Variants in SOX6 observed in about 807,000 individuals in gnomAD.
The protein encoded by SOX6 is transcription factor SOX-6.
Under a neutral mutation model 97.8 loss-of-function variants are expected in SOX6, and 11 were observed. The ratio of observed to expected loss-of-function variants is 0.11; its 90% CI spans 0.07 to 0.19. The LOEUF (loss-of-function observed/expected upper bound fraction) is 0.19, where lower values mean the gene tolerates loss of function less well. Ranked by LOEUF, SOX6 falls within the 10% of genes least tolerant of loss-of-function variation. The pLI is 1.00. For missense variants in SOX6, 810 were observed against 1,039.5 expected (o/e 0.78, Z 3.04); for synonymous variants, 360 against 371.4 (o/e 0.97, Z 0.35).
intron 3 of SOX6, among the ~76,000 whole-genome samples, chr11:16,678,566 A>G (rs1023064780): frequency 6.6e-6 from 1 of 152,152 alleles, no homozygotes; most frequent in Non-Finnish European, 1.5e-5. Context: ...TGCATTCCCA[A>G]CTGAGGTACC....
intron 2 of SOX6, 118 bp downstream of exon 2, chr11:16,340,894 G>A: frequency 7.2e-7 from 1 of 1,397,266 alleles, no homozygotes; most frequent in Non-Finnish European, 9.8e-7. Flanking sequence ...CCTGGTAGTT[G>A]TTTCATGATC....
chr11:16,083,450 G>T (rs1418692924), intron 9 of SOX6, among the ~76,000 whole-genome samples: 1 of 152,106 alleles, frequency 6.6e-6, no homozygotes. Context: ...TTTTGTTAAT[G>T]AATAATTTTC....
chr11:16,105,719 C>A (rs753811250), intron 7 of SOX6, among the ~76,000 whole-genome samples: 1 of 151,942 alleles, frequency 6.6e-6, no homozygotes, highest in Non-Finnish European at 1.5e-5. Flanking sequence ...TGCTATTAGA[C>A]AAGAAAAAGA....
At chr11:16,503,336 A>C (rs78831891) in intron 4 of SOX6, among the ~76,000 whole-genome samples, 1,833 of 152,266 alleles carry the variant, frequency 0.012, 36 homozygotes, top group African/African-American at 0.042. Flanking sequence ...ACCACTACAG[A>C]AAATTACCAA....
chr11:15,972,194 T>C lies in SOX6; in HGVS notation c.*615A>G, dbSNP rs1375469855. The C allele has an allele frequency of 6.5e-6, 1 of 152,860 alleles. No homozygotes were observed. Among genetic ancestry groups the C allele is most frequent in the Admixed American group, 6.5e-5 (1 of 15,312 alleles). The allele number at this position is 152,860 out of a possible 1,614,324, so 9.5% of individuals were successfully genotyped here. A position where few individuals can be genotyped will look rare whatever the true frequency, so the allele number is the denominator to read the frequency against. On this transcript the variant is annotated 3_prime_UTR_variant, in exon 16 of 16. Coordinates refer to ENST00000683767, the MANE Select transcript of SOX6 (RefSeq NM_001367873.1). The stretch of plus-strand genomic sequence containing the variant: ...CCAAAGATTGTCTAAGACTTTGCAG[T>C]GTCTCCTTTAAGACTTTCAAAATAT...
In SOX6 at chr11:16,341,148, T is replaced by A. The variant is rs1401454908; in HGVS notation, c.101A>T (p.Asp34Val). Residue 34 changes from aspartate (D) to valine (V), a missense_variant, in exon 2 of 16, where the codon GAT becomes GTT. Coordinates refer to ENST00000683767, the MANE Select transcript of SOX6 (RefSeq NM_001367873.1). ...AGGCAGATGGGAGGCCACATGTTGATCACTGCCCTCTTCCTTTTCCCTTGA... is the reference window on the plus strand; with the variant it reads ...AGGCAGATGGGAGGCCACATGTTGAACACTGCCCTCTTCCTTTTCCCTTGA... ...LTSREKEEGSDQHVASHLPLH... is the reference protein window; with the variant it reads ...LTSREKEEGSVQHVASHLPLH... The A allele has an allele frequency of 3.7e-6, 6 of 1,613,430 alleles. No homozygotes were observed. The Admixed American group carries it at 1.0e-4, about 27-fold the overall frequency.
chr11:16,616,876 A>G (rs1848477119), intron 3 of SOX6, among the ~76,000 whole-genome samples: 1 of 151,976 alleles, frequency 6.6e-6, no homozygotes, highest in Non-Finnish European at 1.5e-5. Flanking sequence ...AATAGGATGT[A>G]TACTTATAAG....
In SOX6 at chr11:16,005,360, G is replaced by C. The variant is rs150121978; in HGVS notation, c.1732+9582C>G. Among the ~76,000 whole-genome samples, 8 of 151,398 alleles carry C rather than the reference G, an allele frequency of 5.3e-5. No individual in the cohort carries two copies. The East Asian group carries it at 1.4e-3, about 26-fold the overall frequency. On this transcript the variant is annotated intron_variant, in intron 13 of 15. Coordinates refer to ENST00000683767, the MANE Select transcript of SOX6 (RefSeq NM_001367873.1). The stretch of plus-strand genomic sequence containing the variant: ...CACATCTCCGCAGTTCCCATATATG[G>C]GAACAGAAATCAGACCATACTGCTC...
At chr11:16,009,663 T>A (rs566849303) in intron 13 of SOX6, among the ~76,000 whole-genome samples, 25 of 152,170 alleles carry the variant, frequency 1.6e-4, no homozygotes, top group Admixed American at 7.9e-4. Flanking sequence ...TTGTCAGGGA[T>A]ATGAGAAGTG....
chr11:16,088,663 A>G (rs1258302491), intron 9 of SOX6, among the ~76,000 whole-genome samples: 1 of 152,190 alleles, frequency 6.6e-6, no homozygotes, highest in Non-Finnish European at 1.5e-5. Context: ...TTATTCCAAC[A>G]GTTACATTCA....
At chr11:16,331,130 T>A (rs984081783) in intron 2 of SOX6, among the ~76,000 whole-genome samples, 1 of 152,114 alleles carries the variant, frequency 6.6e-6, no homozygotes, top group Non-Finnish European at 1.5e-5. Flanking sequence ...TTCCTCATGC[T>A]CTCCTCCTCT....
intron 4 of SOX6, among the ~76,000 whole-genome samples, chr11:16,514,466 T>A (rs1860931196): frequency 6.6e-6 from 1 of 152,124 alleles, no homozygotes; most frequent in African/African-American, 2.4e-5. Context: ...ACCTCTGAAA[T>A]GTCACTAATA....
At chr11:16,428,303 T>C (rs1859194675) in intron 1 of SOX6, among the ~76,000 whole-genome samples, 1 of 152,240 alleles carries the variant, frequency 6.6e-6, no homozygotes, top group Non-Finnish European at 1.5e-5. Flanking sequence ...GGTAGTTTCT[T>C]TTGCTGTGCA....
intron 6 of SOX6, among the ~76,000 whole-genome samples, chr11:16,147,274 T>C (rs558640009): frequency 3.4e-4 from 52 of 152,220 alleles, no homozygotes; most frequent in African/African-American, 1.2e-3. Context: ...ACACTGCATG[T>C]TCTCACTCAT....
In SOX6 at chr11:15,989,095, C is replaced by A; in HGVS notation, c.1868G>T (p.Arg623Leu). ...GRASSEPHIK[R>L]PMNAFMVWAK... The stretch of plus-strand genomic sequence containing the variant: ...CCAAACCATGAATGCATTCATTGGT[C>A]GCTTAATGTGTGGCTCGCTGCTGGC... The change falls in exon 14 of 16, where the codon CGA becomes CTA. Residue 623 changes from arginine to leucine, a missense_variant. By Grantham distance (102) the Arg-to-Leu change is moderately radical. Coordinates refer to ENST00000683767, the MANE Select transcript of SOX6 (RefSeq NM_001367873.1). 1 of 1,614,168 alleles carries A rather than the reference C, an allele frequency of 6.2e-7. No homozygotes were observed. Among genetic ancestry groups the A allele is most frequent in the South Asian group, 1.1e-5 (1 of 91,070 alleles).
chr11:16,698,742 T>C (rs1001861287), intron 3 of SOX6, among the ~76,000 whole-genome samples: 3 of 152,138 alleles, frequency 2.0e-5, no homozygotes, highest in African/African-American at 7.2e-5. Context: ...TTTCAGGGAA[T>C]AGAGAGGACT....
At chr11:16,242,456 C>G (rs766197012) in intron 3 of SOX6, among the ~76,000 whole-genome samples, 2 of 151,690 alleles carry the variant, frequency 1.3e-5, no homozygotes, top group Admixed American at 1.3e-4. Flanking sequence ...CATTGTGAAG[C>G]GACATGTGAC....
intron 1 of SOX6, among the ~76,000 whole-genome samples, chr11:16,436,399 T>G (rs1438562972): frequency 6.6e-6 from 1 of 152,096 alleles, no homozygotes; most frequent in Non-Finnish European, 1.5e-5. Context: ...GCTCTTTCCC[T>G]CTCTCCTTTC....
rs572222003 is a variant in SOX6 at position 16,304,156 on chromosome 11, T to C, written c.445+14290A>G. On this transcript the variant is annotated intron_variant, in intron 3 of 15. Coordinates refer to ENST00000683767, the MANE Select transcript of SOX6 (RefSeq NM_001367873.1). ...GTCTCAAACTCCTGATCTCAGATGA[T>C]CCACCCTCTTCGGTCTTCCAAAGTG... Among the ~76,000 whole-genome samples, 4 of 152,260 alleles carry C rather than the reference T, an allele frequency of 2.6e-5. No individual in the cohort carries two copies. The East Asian group carries it at 7.7e-4, about 29-fold the overall frequency.
Sources: gnomAD v4.1 joint callset for allele counts (sites outside exome capture counted in the v4.1 genomes callset) on GRCh38, gnomAD v4.1.1 for gene constraint, MANE v1.5 for transcripts, NCBI Gene and HGNC (gene_info 2026-07-23, HGNC 2026-07-21) for gene names.